Variants in ZMIZ1 observed in about 807,000 individuals in gnomAD.
ZMIZ1 encodes zinc finger MIZ domain-containing protein 1.
In ZMIZ1, 17 loss-of-function variants were observed where a neutral mutation model predicts 113.9. The observed-to-expected ratio is 0.15, with a 90% CI of 0.10 to 0.22. The LOEUF is 0.22. Ranked by LOEUF, ZMIZ1 falls within the 10% of genes least tolerant of loss-of-function variation. The pLI is 1.00. For synonymous variants in ZMIZ1, 607 were observed against 603.1 expected, an observed-to-expected ratio of 1.01 and a Z score of -0.09; for missense variants, 1,059 against 1,477.8, an observed-to-expected ratio of 0.72 and a Z score of 4.65.
intron 7 of ZMIZ1, among the ~76,000 whole-genome samples, chr10:79,259,852 T>C (rs1049343816): frequency 5.9e-5 from 9 of 152,214 alleles, no homozygotes; most frequent in African/African-American, 2.2e-4. Flanking sequence ...CCTCAAGTGA[T>C]CTGCCTGCCT....
At chr10:79,106,010 G>A (rs1843541576) in intron 1 of ZMIZ1, among the ~76,000 whole-genome samples, 1 of 152,212 alleles carries the variant, frequency 6.6e-6, no homozygotes, top group South Asian at 2.1e-4. Flanking sequence ...AATACCCAGA[G>A]GTGACCACCA....
chr10:79,214,507 GTGT>G (rs1382851764), intron 6 of ZMIZ1, among the ~76,000 whole-genome samples: 2 of 152,218 alleles, frequency 1.3e-5, no homozygotes, highest in Non-Finnish European at 2.9e-5. Context: ...TGAGTCTCCA[GTGT>G]TGTTTTAAAT....
chr10:79,272,059 A>G (rs138864939), intron 7 of ZMIZ1, among the ~76,000 whole-genome samples: 6,077 of 152,244 alleles, frequency 0.04, 131 homozygotes, highest in South Asian at 0.071. Context: ...ACTTGAAGCC[A>G]GGAGTTCGAA....
chr10:79,141,381 A>G (rs1564675993), intron 3 of ZMIZ1, among the ~76,000 whole-genome samples: 1 of 152,214 alleles, frequency 6.6e-6, no homozygotes, highest in African/African-American at 2.4e-5. Context: ...AAGTTTTAAG[A>G]AGACAAATTT....
chr10:79,300,222 C>T (rs1419742886), intron 16 of ZMIZ1, among the ~76,000 whole-genome samples: 1 of 152,206 alleles, frequency 6.6e-6, no homozygotes, highest in Non-Finnish European at 1.5e-5. Context: ...GCCTCCTCTT[C>T]CTGGCTTGCT....
chr10:79,203,706 A>G, intron 5 of ZMIZ1, among the ~76,000 whole-genome samples: 1 of 152,240 alleles, frequency 6.6e-6, no homozygotes, highest in Non-Finnish European at 1.5e-5. Flanking sequence ...TCTTGGGCAG[A>G]GGCCCACCAG....
At chr10:79,286,941 A>G (rs938128307) in intron 8 of ZMIZ1, among the ~76,000 whole-genome samples, 2 of 152,216 alleles carry the variant, frequency 1.3e-5, no homozygotes, top group Non-Finnish European at 2.9e-5. Flanking sequence ...TCTCAAGGCC[A>G]TCAGCCTGGA....
intron 1 of ZMIZ1, among the ~76,000 whole-genome samples, chr10:79,114,077 G>A (rs1042934051): frequency 6.6e-6 from 1 of 152,196 alleles, no homozygotes; most frequent in Admixed American, 6.5e-5. Flanking sequence ...GGGCAGTGCT[G>A]CCCCTCTGAC....
In ZMIZ1 at chr10:79,296,883, C is replaced by G; in HGVS notation, c.1413+230C>G. The stretch of plus-strand genomic sequence containing the variant: ...TCGTCTCGGATGATGGTTTTTTTTT[C>G]TCCTTTTCTTATTCACGGCACTCAC... On this transcript the variant is annotated intron_variant, in intron 13 of 24. Transcript: ENST00000334512. This position sits in a 1 kb window ranked among gnomAD's most constrained non-coding sequence, Gnocchi z 4.1. The G allele has an allele frequency of 2.5e-6, 1 of 401,996 alleles. No individual in the cohort carries two copies. Among genetic ancestry groups the G allele is most frequent in the Non-Finnish European group, 4.4e-6 (1 of 227,976 alleles). 24.9% of individuals were successfully genotyped at this position (401,996 alleles called of 1,614,324 possible).
chr10:79,259,364 C>G (rs1357514680), intron 7 of ZMIZ1, among the ~76,000 whole-genome samples: 3 of 152,104 alleles, frequency 2.0e-5, no homozygotes, highest in African/African-American at 7.2e-5. Flanking sequence ...AGAAGCCTTC[C>G]TGGGTCGCTG....
intron 7 of ZMIZ1, among the ~76,000 whole-genome samples, chr10:79,248,379 G>T (rs976199090): frequency 6.6e-6 from 1 of 152,156 alleles, no homozygotes; most frequent in Non-Finnish European, 1.5e-5. Context: ...GCAGGGGGGA[G>T]GTTAGCAGGA....
At chr10:79,075,670 T>C (rs1184400304) in intron 1 of ZMIZ1, among the ~76,000 whole-genome samples, 1 of 152,182 alleles carries the variant, frequency 6.6e-6, no homozygotes, top group Admixed American at 6.5e-5. Flanking sequence ...CTGCCAGGAC[T>C]CCGGCTGCCT....
intron 7 of ZMIZ1, among the ~76,000 whole-genome samples, chr10:79,253,736 C>T (rs966969258): frequency 2.6e-5 from 4 of 152,196 alleles, no homozygotes; most frequent in Non-Finnish European, 5.9e-5. Context: ...GCAGGAGGCT[C>T]ACTTAGATCC....
chr10:79,308,216 G>A (rs930136405), intron 23 of ZMIZ1, among the ~76,000 whole-genome samples: 3 of 152,212 alleles, frequency 2.0e-5, no homozygotes, highest in Non-Finnish European at 4.4e-5. Flanking sequence ...AGTGCCACGT[G>A]GTTCCACTCA....
At position 79,306,107 on chromosome 10, in the gene ZMIZ1, T is replaced by A. The variant is rs1191580816; in HGVS notation, c.2431T>A (p.Phe811Ile). The A allele has an allele frequency of 5.0e-6, 8 of 1,612,282 alleles. No individual in the cohort carries two copies. The South Asian group carries it at 7.7e-5, about 15-fold the overall frequency. The change falls in exon 22 of 25, where the codon TTT (phenylalanine) becomes ATT (isoleucine). Residue 811 changes from phenylalanine to isoleucine, a missense_variant. Around this residue, in one of 6 missense-constraint regions of ZMIZ1, gnomAD observed 217 missense variants for 426.9 expected, o/e 0.51. Transcript: ENST00000334512. The stretch of plus-strand genomic sequence containing the variant: ...CCACCCTTCCTCCCCCAGCTCCGAG[T>A]TTGAAGAGGTCACCATCGATCCCAC... ...GILNAIQHSE[F>I]EEVTIDPTCS... is the part of the protein sequence containing the mutation.
intron 16 of ZMIZ1, among the ~76,000 whole-genome samples, chr10:79,299,568 T>A (rs1433996503): frequency 2.0e-5 from 3 of 152,326 alleles, no homozygotes; most frequent in Admixed American, 2.0e-4. Context: ...GAGATGAGGC[T>A]GGTGCAAGGG....
chr10:79,170,941 AAG>A (rs887465799), intron 4 of ZMIZ1, among the ~76,000 whole-genome samples: 37 of 151,880 alleles, frequency 2.4e-4, no homozygotes, highest in Admixed American at 2.2e-3. Context: ...CCCCTAGGAA[AAG>A]AGAGTGCCAT....
chr10:79,228,065 C>A (rs992055657), intron 7 of ZMIZ1, among the ~76,000 whole-genome samples: 1 of 152,212 alleles, frequency 6.6e-6, no homozygotes, highest in African/African-American at 2.4e-5. Flanking sequence ...TGAGGGAAAC[C>A]TTGAGGGCTT....
chr10:79,297,656 G>A lies in ZMIZ1; in HGVS notation c.1457G>A (p.Ser486Asn). ...NGQNNTFSGS[S>N]YSNYSQGNVN... ...CAAAATAACACGTTCTCGGGAAGCA[G>A]CTACAGTAACTACAGCCAAGGGAAT... Residue 486 changes from serine to asparagine, a missense_variant, in exon 14 of 25, where the codon AGC (serine) becomes AAC (asparagine). Ser to Asn is a conservative substitution (Grantham distance 46). This residue lies in a region of ZMIZ1 where 239 missense variants were observed against 247.5 expected (regional missense o/e 0.97). Coordinates refer to ENST00000334512, the MANE Select transcript of ZMIZ1 (RefSeq NM_020338.4). 1 of 1,614,140 alleles carries A rather than the reference G, an allele frequency of 6.2e-7. No individual in the cohort carries two copies. The highest frequency in any genetic ancestry group is 8.5e-7 in the Non-Finnish European group (1 of 1,179,984).
Sources: gnomAD v4.1 joint callset for allele counts (sites outside exome capture counted in the v4.1 genomes callset) on GRCh38, gnomAD v4.1.1 for gene constraint, gnomAD v4.1.1 regional missense constraint, Gnocchi (gnomAD v3.1) non-coding constraint, MANE v1.5 for transcripts, NCBI Gene and HGNC (gene_info 2026-07-23, HGNC 2026-07-21) for gene names.